LMLN: variants seen among roughly 807,000 people sequenced by gnomAD.
LMLN encodes leishmanolysin-like peptidase.
A neutral mutation model predicts 92.3 loss-of-function variants in LMLN; 70 were observed. That is an observed-to-expected ratio of 0.76 (90% CI 0.63 to 0.92). LMLN has a LOEUF of 0.92. Among genes scored for constraint, LMLN ranks in the 40% least tolerant of loss-of-function variants. The probability of loss-of-function intolerance (pLI) is 0.00; values close to 1 mark genes in which losing one functional copy is unlikely to be tolerated. For missense variants in LMLN, 691 were observed against 814.6 expected, an observed-to-expected ratio of 0.85 and a Z score of 1.85; for synonymous variants, 308 against 296.2, an observed-to-expected ratio of 1.04 and a Z score of -0.41.
chr3:198,025,287 G>GATTT lies in LMLN; in HGVS notation c.1656+500_1656+501insTTTA, dbSNP rs1722901475. Among the ~76,000 whole-genome samples the GATTT allele has an allele frequency of 6.6e-6, 1 of 152,216 alleles. No individual in the cohort carries two copies. The highest frequency in any genetic ancestry group is 2.4e-5 in the African/African-American group (1 of 41,446). Reference sequence around the variant, plus strand: ...CTGTCTCCAAAAAATAAAGGAAAAAGAATAAATCAGTTGCTGATTAATAAT... The same window carrying GATTT: ...CTGTCTCCAAAAAATAAAGGAAAAAGATTTAATAAATCAGTTGCTGATTAATAAT... On this transcript the variant is annotated intron_variant, in intron 14 of 15. Coordinates refer to ENST00000330198, the Ensembl canonical transcript of LMLN. The surrounding 1 kb of genome is among the most constrained non-coding windows in gnomAD (Gnocchi z 4.3).
At chr3:197,979,444 GC>G (rs767100616) in intron 5 of LMLN, among the ~76,000 whole-genome samples, 4 of 152,150 alleles carry the variant, frequency 2.6e-5, no homozygotes, top group Non-Finnish European at 5.9e-5. Flanking sequence ...ACTTTGGGAG[GC>G]CAAGATGGGG....
intron 14 of LMLN, among the ~76,000 whole-genome samples, chr3:198,033,773 C>CT (rs1286909201): frequency 6.6e-6 from 1 of 152,166 alleles, no homozygotes; most frequent in Non-Finnish European, 1.5e-5. Flanking sequence ...GTATTGTGTA[C>CT]TTTTTTAGTG....
At position 197,976,118 on chromosome 3, in the gene LMLN, C is replaced by T; in HGVS notation, c.431+7C>T. On this transcript the variant is annotated splice_region_variant and intron_variant, in intron 4 of 15. Transcript: ENST00000330198. ...GCACTATCTTACTTAGCAGGTATGT[C>T]ACATGAAACACAGATCATTTTCTTC... 6.5e-7 allele frequency: 1 copy of T among 1,549,262 alleles called. No individual in the cohort carries two copies. Among genetic ancestry groups the T allele is most frequent in the Non-Finnish European group, 8.9e-7 (1 of 1,128,742 alleles).
chr3:197,962,429 C>T (rs937740834), intron 1 of LMLN, among the ~76,000 whole-genome samples: 1 of 152,158 alleles, frequency 6.6e-6, no homozygotes. Flanking sequence ...ATAAATAAAG[C>T]TGCTGTCAAT....
At chr3:197,991,465 C>T (rs1440544013) in intron 9 of LMLN, among the ~76,000 whole-genome samples, 1 of 152,036 alleles carries the variant, frequency 6.6e-6, no homozygotes, top group Non-Finnish European at 1.5e-5. Context: ...AGTTCAAATC[C>T]GATGGGATAG....
intron 11 of LMLN, among the ~76,000 whole-genome samples, chr3:198,006,032 G>A (rs1331042646): frequency 1.3e-5 from 2 of 152,146 alleles, no homozygotes; most frequent in East Asian, 3.9e-4. Flanking sequence ...CAAGGAAACA[G>A]CTTGAATCCA....
intron 11 of LMLN, among the ~76,000 whole-genome samples, chr3:198,016,001 C>T (rs1260752990): frequency 6.6e-6 from 1 of 151,884 alleles, no homozygotes; most frequent in Non-Finnish European, 1.5e-5. Flanking sequence ...GAGTTTGAGA[C>T]CAGACTGGGC....
intron 8 of LMLN, among the ~76,000 whole-genome samples, chr3:197,986,437 G>C (rs1422390848): frequency 6.6e-6 from 1 of 152,148 alleles, no homozygotes; most frequent in East Asian, 1.9e-4. Flanking sequence ...TCCAGCCTGG[G>C]TGACAGAGTG....
intron 11 of LMLN, among the ~76,000 whole-genome samples, chr3:198,014,185 C>T (rs142692934): frequency 0.06 from 8,879 of 147,628 alleles, 384 homozygotes; most frequent in African/African-American, 0.093. Flanking sequence ...AGCCTCCTAA[C>T]TAGTCTGACT....
chr3:197,998,966 T>C (rs1283529333), intron 10 of LMLN, among the ~76,000 whole-genome samples: 1 of 152,210 alleles, frequency 6.6e-6, no homozygotes, highest in Non-Finnish European at 1.5e-5. Flanking sequence ...GAGTATAATA[T>C]TTCTGTAGCA....
rs147392584 is a variant in LMLN at position 197,961,257 on chromosome 3, CT to C, written c.219+820del. 4.7e-3 allele frequency among the ~76,000 whole-genome samples: 718 copies of C among 152,236 alleles called. 1 individual carries two copies. Among genetic ancestry groups the C allele is most frequent in the African/African-American group, 0.017 (688 of 41,538 alleles). Reference sequence around the variant, plus strand: ...CGTGGGATAAGGTTTGTGTTTCATACTTTGATTCCTTCACAGTATTTAGGTC... The same window carrying C: ...CGTGGGATAAGGTTTGTGTTTCATACTTGATTCCTTCACAGTATTTAGGTC... On this transcript the variant is annotated intron_variant, in intron 1 of 15. Coordinates refer to ENST00000330198, the Ensembl canonical transcript of LMLN.
chr3:198,007,783 T>C (rs1485443559), intron 11 of LMLN, among the ~76,000 whole-genome samples: 3 of 152,188 alleles, frequency 2.0e-5, no homozygotes, highest in African/African-American at 4.8e-5. Context: ...AGAATTGACA[T>C]TTTTACTGTG....
rs532265344 is a variant in LMLN, at chr3:198,009,232, T to C, written c.1232+9890T>C. Among the ~76,000 whole-genome samples, 4 of 152,360 alleles carry C rather than the reference T, an allele frequency of 2.6e-5. No individual in the cohort carries two copies. In the South Asian group the frequency reaches 8.3e-4, roughly 32 times the overall value. ...TCTGTCCATTTCTGAGAAATGGATATTCAAATCTGCAGTGATAATAATGGA... is the reference window on the plus strand; with the variant it reads ...TCTGTCCATTTCTGAGAAATGGATACTCAAATCTGCAGTGATAATAATGGA... On this transcript the variant is annotated intron_variant, in intron 11 of 15. Coordinates refer to ENST00000330198, the Ensembl canonical transcript of LMLN.
chr3:198,008,582 G>T (rs577923443), intron 11 of LMLN, among the ~76,000 whole-genome samples: 6 of 152,202 alleles, frequency 3.9e-5, no homozygotes, highest in African/African-American at 1.2e-4. Flanking sequence ...CAAAAATGAG[G>T]TGGGCATGGT....
intron 14 of LMLN, among the ~76,000 whole-genome samples, chr3:198,026,105 C>T (rs1436313507): frequency 3.3e-5 from 5 of 152,016 alleles, no homozygotes; most frequent in Non-Finnish European, 7.4e-5. Flanking sequence ...CAGGTGCACA[C>T]CACCACACCT....
At chr3:198,014,029 C>T (rs1029589105) in intron 11 of LMLN, among the ~76,000 whole-genome samples, 8 of 143,160 alleles carry the variant, frequency 5.6e-5, no homozygotes, top group Admixed American at 4.1e-4. Flanking sequence ...CCCTTTAGAG[C>T]CCTCTAACTA....
chr3:197,992,050 C>CG (rs1168493492), intron 9 of LMLN, among the ~76,000 whole-genome samples: 1 of 131,576 alleles, frequency 7.6e-6, no homozygotes, highest in Non-Finnish European at 1.6e-5. Context: ...TTAGTAGAGA[C>CG]GGGGGTTTCA....
intron 5 of LMLN, 123 bp downstream of exon 5, chr3:197,976,838 A>G: frequency 2.1e-6 from 1 of 479,938 alleles, no homozygotes; most frequent in Non-Finnish European, 3.8e-6. Flanking sequence ...ACAAAAAGTA[A>G]CCACAGATAT....
At chr3:197,983,402 G>A (rs185096808) in intron 6 of LMLN, among the ~76,000 whole-genome samples, 1 of 152,286 alleles carries the variant, frequency 6.6e-6, no homozygotes, top group Admixed American at 6.5e-5. Context: ...GTAGAAGTGT[G>A]TAGATTCTAA....
Sources: allele counts gnomAD v4.1 joint callset (sites outside exome capture counted in the v4.1 genomes callset), GRCh38; gene constraint gnomAD v4.1.1; non-coding constraint Gnocchi (gnomAD v3.1); transcripts MANE v1.5; gene names NCBI Gene and HGNC (gene_info 2026-07-23, HGNC 2026-07-21).